LPIN1: variants seen among roughly 807,000 people sequenced by gnomAD.
LPIN1 encodes lipin 1.
In LPIN1, 71 loss-of-function variants were observed where a neutral mutation model predicts 107.5. The observed-to-expected ratio is 0.66, with a 90% CI of 0.55 to 0.80. LPIN1 has a LOEUF of 0.80. Ranked by LOEUF, LPIN1 falls within the 30% of genes least tolerant of loss-of-function variation. The probability of loss-of-function intolerance (pLI) is 0.00; values close to 1 mark genes in which losing one functional copy is unlikely to be tolerated. For synonymous variants in LPIN1, 445 were observed against 452.6 expected (o/e 0.98, Z 0.21); for missense variants, 1,043 against 1,160.6 (o/e 0.90, Z 1.47).
chr2:11,698,173 C>T (rs1181040031), intron 1 of LPIN1, among the ~76,000 whole-genome samples: 1 of 152,182 alleles, frequency 6.6e-6, no homozygotes. Flanking sequence ...CCTCACTTGA[C>T]GTCATGGCAA....
In LPIN1 at chr2:11,775,482, T is replaced by A. The variant is rs568016901; in HGVS notation, c.723-604T>A. On this transcript the variant is annotated intron_variant, in intron 5 of 20. Coordinates refer to ENST00000674199, the MANE Select transcript of LPIN1 (RefSeq NM_001349206.2). ...AGCATAATGACTGAGTCAGGTTATG[T>A]AGCTCTGACTATCACCAAATGGAAT... Among the ~76,000 whole-genome samples the A allele has an allele frequency of 1.3e-4, 20 of 152,368 alleles. No individual in the cohort carries two copies. The South Asian group carries it at 2.1e-3, about 16-fold the overall frequency.
At chr2:11,705,435 T>A (rs1439656176) in intron 1 of LPIN1, among the ~76,000 whole-genome samples, 1 of 152,170 alleles carries the variant, frequency 6.6e-6, no homozygotes, top group African/African-American at 2.4e-5. Context: ...CAAATGTAAA[T>A]TTGCAAACTG....
At chr2:11,693,202 C>CTTT (rs1662357768) in intron 1 of LPIN1, among the ~76,000 whole-genome samples, 1 of 132,226 alleles carries the variant, frequency 7.6e-6, no homozygotes, top group African/African-American at 4.1e-5. Flanking sequence ...ACCTGAACAA[C>CTTT]ATTTTTTTTT....
chr2:11,719,088 C>T (rs994857127), intron 2 of LPIN1, among the ~76,000 whole-genome samples: 1 of 152,100 alleles, frequency 6.6e-6, no homozygotes, highest in Non-Finnish European at 1.5e-5. Flanking sequence ...TTCTTCTTTA[C>T]AGCATTATTC....
At chr2:11,812,515 G>T (rs899166617) in intron 17 of LPIN1, among the ~76,000 whole-genome samples, 1 of 152,154 alleles carries the variant, frequency 6.6e-6, no homozygotes, top group African/African-American at 2.4e-5. Context: ...GAGGGTACAA[G>T]CAGTCCCTGC....
At chr2:11,767,676 G>A (rs1273859993) in intron 2 of LPIN1, 87 bp from the exon 3 acceptor site, 9 of 817,106 alleles carry the variant, frequency 1.1e-5, no homozygotes, top group East Asian at 2.5e-5. Flanking sequence ...CGATGATAGC[G>A]TATCTGTGGA....
chr2:11,717,764 G>A (rs559029039), intron 2 of LPIN1, among the ~76,000 whole-genome samples: 9 of 151,814 alleles, frequency 5.9e-5, no homozygotes, highest in African/African-American at 2.2e-4. Context: ...TTCTAAGTTG[G>A]TCCCATTATG....
intron 1 of LPIN1, among the ~76,000 whole-genome samples, chr2:11,761,759 A>G (rs1002759048): frequency 2.0e-5 from 3 of 152,140 alleles, no homozygotes; most frequent in Non-Finnish European, 4.4e-5. Context: ...CAAAAGGTAT[A>G]TTTTGTTTTT....
chr2:11,736,486 A>C (rs746050882), intron 1 of LPIN1, among the ~76,000 whole-genome samples: 38 of 152,214 alleles, frequency 2.5e-4, no homozygotes, highest in Non-Finnish European at 4.6e-4. Context: ...TCATGAGCTC[A>C]TCTGAACTTA....
In LPIN1 at chr2:11,765,382, A is replaced by G. The variant is rs2148619530; in HGVS notation, c.-9-151A>G. On this transcript the variant is annotated intron_variant, in intron 1 of 20. Transcript: ENST00000674199. This position sits in a 1 kb window ranked among gnomAD's most constrained non-coding sequence, Gnocchi z 4.4. ...GGGCCCTGATGGACCCTGATGGGCT[A>G]TGGGGGTGGATAGAACACATTCCGG... The G allele has an allele frequency of 1.4e-6, 1 of 697,996 alleles. No homozygotes were observed. Among genetic ancestry groups the G allele is most frequent in the South Asian group, 1.9e-5 (1 of 52,940 alleles). The allele number at this position is 697,996 out of a possible 1,614,324, so 43.2% of individuals were successfully genotyped here.
intron 1 of LPIN1, among the ~76,000 whole-genome samples, chr2:11,755,111 G>A (rs994032561): frequency 2.0e-5 from 3 of 151,490 alleles, no homozygotes; most frequent in Non-Finnish European, 4.4e-5. Context: ...GACTACAGGC[G>A]CCCGCCACCA....
chr2:11,753,918 C>T (rs764420544), intron 1 of LPIN1, among the ~76,000 whole-genome samples: 10 of 152,094 alleles, frequency 6.6e-5, no homozygotes, highest in Admixed American at 2.6e-4. Flanking sequence ...GTGATCTCGG[C>T]GAACACCAGT....
In LPIN1 at chr2:11,765,008, T is replaced by TGGG. The variant is rs1251680312; in HGVS notation, c.-9-523_-9-521dup. Among the ~76,000 whole-genome samples the TGGG allele has an allele frequency of 1.3e-5, 2 of 152,048 alleles. No homozygotes were observed. Among genetic ancestry groups the TGGG allele is most frequent in the African/African-American group, 4.8e-5 (2 of 41,498 alleles). ...AGACTGGTGGGCTTGCTGTGGGAGTTGGGGTGATAGGCCGTGATGGGCCAT... is the reference window on the plus strand; with the variant it reads ...AGACTGGTGGGCTTGCTGTGGGAGTTGGGGGGGTGATAGGCCGTGATGGGCCAT... On this transcript the variant is annotated intron_variant, in intron 1 of 20. Transcript: ENST00000674199. The surrounding 1 kb of genome is among the most constrained non-coding windows in gnomAD (Gnocchi z 4.4).
At chr2:11,711,938 C>T (rs528396064) in intron 1 of LPIN1, among the ~76,000 whole-genome samples, 1 of 152,296 alleles carries the variant, frequency 6.6e-6, no homozygotes, top group East Asian at 1.9e-4. Flanking sequence ...AGACTCCAGT[C>T]CCCTTCCCCA....
chr2:11,726,370 G>C (rs1033056963), intron 1 of LPIN1, among the ~76,000 whole-genome samples: 3 of 152,156 alleles, frequency 2.0e-5, no homozygotes, highest in Non-Finnish European at 2.9e-5. Context: ...CCATAGGGCT[G>C]TGTGATAACC....
At chr2:11,792,108 C>A in intron 13 of LPIN1, 102 bp downstream of exon 13, 2 of 1,009,964 alleles carry the variant, frequency 2.0e-6, no homozygotes, top group East Asian at 2.7e-5. Context: ...AAGATAGGCC[C>A]TAGTGCTGAG....
In LPIN1 at chr2:11,707,645, G is replaced by A. The variant is rs75350264; in HGVS notation, c.82-6111G>A. ...TGGCTGGGACTGGGTGGTGGTGCAC[G>A]CACGGGGAGAAGTGCTCGGGGTCCC... On this transcript the variant is annotated intron_variant, in intron 1 of 21. Transcript: ENST00000449576. This position sits in a 1 kb window ranked among gnomAD's most constrained non-coding sequence, Gnocchi z 4.2. Among the ~76,000 whole-genome samples the A allele has an allele frequency of 0.18, 27,248 of 152,162 alleles. 3,162 individuals are homozygous for A. The highest frequency in any genetic ancestry group is 0.26 in the South Asian group (1,251 of 4,814).
At chr2:11,744,443 C>G (rs1338459523), upstream of LPIN1, among the ~76,000 whole-genome samples, 1 of 152,072 alleles carries the variant, frequency 6.6e-6, no homozygotes, top group African/African-American at 2.4e-5. Flanking sequence ...ACAAAAGGCT[C>G]CCCCCAACCC....
At chr2:11,761,466 G>A (rs2148608265) in intron 1 of LPIN1, among the ~76,000 whole-genome samples, 1 of 152,340 alleles carries the variant, frequency 6.6e-6, no homozygotes, top group African/African-American at 2.4e-5. Flanking sequence ...TCCTCCTTGA[G>A]TGTGTTTACT....
Sources: allele counts gnomAD v4.1 joint callset (sites outside exome capture counted in the v4.1 genomes callset), GRCh38; gene constraint gnomAD v4.1.1; non-coding constraint Gnocchi (gnomAD v3.1); transcripts MANE v1.5; gene names NCBI Gene and HGNC (gene_info 2026-07-23, HGNC 2026-07-21).